ZNF385D: variants seen among roughly 807,000 people sequenced by gnomAD.
ZNF385D encodes zinc finger protein 385D, also known as zinc finger protein 659.
ZNF385D carries 15 observed loss-of-function variants against 35.8 expected under a neutral mutation model. The ratio of observed to expected loss-of-function variants is 0.42; its 90% confidence interval spans 0.28 to 0.64. ZNF385D has a LOEUF of 0.64. ZNF385D is among the 30% of genes least tolerant of loss of function. ZNF385D has a pLI of 0.23. For missense variants in ZNF385D, 474 were observed against 494.6 expected (o/e 0.96, Z 0.39); for synonymous variants, 212 against 186.8 (o/e 1.13, Z -1.10).
intron 2 of ZNF385D, among the ~76,000 whole-genome samples, chr3:21,576,688 C>T (rs1219490617): frequency 6.6e-6 from 1 of 152,068 alleles, no homozygotes; most frequent in East Asian, 1.9e-4. Context: ...ATTCCTTTCC[C>T]TGGAACCCAG....
Position 21,573,687 on chromosome 3 carries a change from G to A in ZNF385D, c.166-9003C>T, listed in dbSNP as rs151246803. Among the ~76,000 whole-genome samples the A allele has an allele frequency of 6.7e-3, 1,018 of 151,576 alleles. 6 individuals carry two copies. The highest frequency in any genetic ancestry group is 0.01 in the Non-Finnish European group (688 of 67,928). Reference sequence around the variant, plus strand: ...AATAGAGAAGAATATCTAAAATATGGCATCAAACACTTAAGAATTACACAT... The same window carrying A: ...AATAGAGAAGAATATCTAAAATATGACATCAAACACTTAAGAATTACACAT... On this transcript the variant is annotated intron_variant, in intron 2 of 7. Coordinates refer to ENST00000281523, the MANE Select transcript of ZNF385D (RefSeq NM_024697.3).
chr3:22,141,804 A>G (rs7618707), intron 3 of ZNF385D, among the ~76,000 whole-genome samples: 2 of 152,224 alleles, frequency 1.3e-5, no homozygotes, highest in African/African-American at 4.8e-5. Flanking sequence ...TTTCAATTTT[A>G]TAACTGAGGA....
intron 3 of ZNF385D, among the ~76,000 whole-genome samples, chr3:22,117,459 G>C (rs1036045686): frequency 2.6e-5 from 4 of 151,920 alleles, no homozygotes; most frequent in Admixed American, 1.3e-4. Context: ...TATCTCTCTG[G>C]CTTGAGGAGG....
chr3:21,930,648 C>G (rs1700960679), intron 3 of ZNF385D, among the ~76,000 whole-genome samples: 1 of 152,014 alleles, frequency 6.6e-6, no homozygotes. Context: ...GTGGACAGAA[C>G]TAAGATGAGA....
intron 2 of ZNF385D, among the ~76,000 whole-genome samples, chr3:21,572,642 C>T (rs2063368698): frequency 6.6e-6 from 1 of 152,088 alleles, no homozygotes; most frequent in Non-Finnish European, 1.5e-5. Flanking sequence ...TCAGGTAAAA[C>T]TTAGATTAAA....
At chr3:21,905,084 G>T (rs1699605766) in intron 3 of ZNF385D, among the ~76,000 whole-genome samples, 1 of 151,328 alleles carries the variant, frequency 6.6e-6, no homozygotes, top group Non-Finnish European at 1.5e-5. Flanking sequence ...TTGACTTTCA[G>T]GGAAATAATG....
At chr3:22,020,499 T>TA (rs928530817) in intron 3 of ZNF385D, among the ~76,000 whole-genome samples, 1 of 151,772 alleles carries the variant, frequency 6.6e-6, no homozygotes, top group Non-Finnish European at 1.5e-5. Flanking sequence ...AAAGAAGACA[T>TA]AAAAACGGCC....
chr3:22,333,200 A>G (rs978569092), intron 2 of ZNF385D, among the ~76,000 whole-genome samples: 1 of 152,008 alleles, frequency 6.6e-6, no homozygotes, highest in Non-Finnish European at 1.5e-5. Context: ...ACCCTTTATA[A>G]GTTTTTCTCA....
chr3:22,184,687 C>T (rs1308226516), intron 2 of ZNF385D, among the ~76,000 whole-genome samples: 7 of 152,050 alleles, frequency 4.6e-5, no homozygotes, highest in Admixed American at 4.6e-4. Context: ...ATTAGCCAGG[C>T]GTGGTGGCAG....
intron 3 of ZNF385D, among the ~76,000 whole-genome samples, chr3:21,558,095 GCTC>G (rs1361953546): frequency 6.7e-6 from 1 of 148,710 alleles, no homozygotes; most frequent in Non-Finnish European, 1.5e-5. Flanking sequence ...CAAAAAATCA[GCTC>G]CTGGATTCAT....
intron 2 of ZNF385D, among the ~76,000 whole-genome samples, chr3:22,282,040 G>T (rs750256005): frequency 6.6e-6 from 1 of 151,976 alleles, no homozygotes; most frequent in Non-Finnish European, 1.5e-5. Context: ...GTGTAAAGGT[G>T]TTTATAGTAG....
At chr3:21,629,841 ACT>A (rs1378037693) in intron 2 of ZNF385D, among the ~76,000 whole-genome samples, 1 of 151,992 alleles carries the variant, frequency 6.6e-6, no homozygotes, top group Non-Finnish European at 1.5e-5. Flanking sequence ...GGACTGGCTG[ACT>A]CTAGAACTGC....
At chr3:22,356,761 G>A (rs972184267) in intron 2 of ZNF385D, among the ~76,000 whole-genome samples, 2 of 151,698 alleles carry the variant, frequency 1.3e-5, no homozygotes, top group Non-Finnish European at 2.9e-5. Context: ...TCAATGCAAA[G>A]TGATTAGATA....
chr3:21,785,285 A>T (rs187319354), intron 3 of ZNF385D, among the ~76,000 whole-genome samples: 1 of 152,184 alleles, frequency 6.6e-6, no homozygotes, highest in Non-Finnish European at 1.5e-5. Context: ...TATGGTTCAT[A>T]ACTTGATGAT....
chr3:21,454,941 A>G (rs942714984), intron 4 of ZNF385D, among the ~76,000 whole-genome samples: 3 of 152,218 alleles, frequency 2.0e-5, no homozygotes, highest in African/African-American at 4.8e-5. Context: ...TTTATACACC[A>G]GTAACAGACA....
intron 3 of ZNF385D, among the ~76,000 whole-genome samples, chr3:22,013,896 A>G (rs1292763424): frequency 2.0e-5 from 3 of 152,118 alleles, no homozygotes; most frequent in Non-Finnish European, 4.4e-5. Context: ...TTATCTAATT[A>G]AGTACAAAGC....
intron 2 of ZNF385D, among the ~76,000 whole-genome samples, chr3:21,578,413 ACTAAAGTGTTTTC>A (rs1404797169): frequency 6.6e-6 from 1 of 152,136 alleles, no homozygotes; most frequent in Admixed American, 6.6e-5. Context: ...AGACCAATGT[ACTAAAGTGTTTTC>A]CTATGTTTAC....
At chr3:22,148,221 A>T (rs547866621) in intron 3 of ZNF385D, among the ~76,000 whole-genome samples, 3 of 152,316 alleles carry the variant, frequency 2.0e-5, no homozygotes, top group Admixed American at 6.5e-5. Flanking sequence ...TGGAGTGGTC[A>T]AATCCAATTA....
chr3:22,025,473 G>C (rs1697481692), intron 3 of ZNF385D, among the ~76,000 whole-genome samples: 1 of 152,172 alleles, frequency 6.6e-6, no homozygotes, highest in Admixed American at 6.5e-5. Flanking sequence ...TGGAGAACAG[G>C]CATGGGAATG....
Sources: gnomAD v4.1 joint callset for allele counts (sites outside exome capture counted in the v4.1 genomes callset) on GRCh38, gnomAD v4.1.1 for gene constraint, MANE v1.5 for transcripts, NCBI Gene and HGNC (gene_info 2026-07-23, HGNC 2026-07-21) for gene names.